Variants in ASIC2 observed in about 807,000 individuals in gnomAD.
ASIC2 encodes the protein acid-sensing ion channel 2.
Under a neutral mutation model 57.3 loss-of-function variants are expected in ASIC2, and 25 were observed. The ratio of observed to expected loss-of-function variants is 0.44; its 90% CI spans 0.32 to 0.61. The LOEUF is 0.61. Among genes scored for constraint, ASIC2 ranks in the 20% least tolerant of loss-of-function variants. ASIC2 has a pLI of 0.06. For missense variants in ASIC2, 641 were observed against 738.1 expected (o/e 0.87, Z 1.52); for synonymous variants, 319 against 307.5 (o/e 1.04, Z -0.39).
In ASIC2 at chr17:33,479,146, G is replaced by A. The variant is rs142327396; in HGVS notation, c.556-367079C>T. On this transcript the variant is annotated intron_variant, in intron 1 of 9. Coordinates refer to the ASIC2 transcript ENST00000359872. ...CCTGGGTAGCTGGAACTACAGGTGC[G>A]CACCACCACGCCCAGCTAATTTTTG... 3.1e-3 allele frequency among the ~76,000 whole-genome samples: 467 copies of A among 151,914 alleles called. 4 individuals carry two copies. The highest frequency in any genetic ancestry group is 0.01 in the African/African-American group (429 of 41,412).
chr17:33,876,704 A>G (rs758896287), intron 1 of ASIC2, among the ~76,000 whole-genome samples: 7 of 152,232 alleles, frequency 4.6e-5, no homozygotes, highest in Non-Finnish European at 7.3e-5. Flanking sequence ...TCTCATGCTC[A>G]GTTGGATGGA....
chr17:33,449,478 AG>A (rs1912165516), intron 1 of ASIC2, among the ~76,000 whole-genome samples: 1 of 152,302 alleles, frequency 6.6e-6, no homozygotes, highest in East Asian at 1.9e-4. Flanking sequence ...CTTTTGGCCC[AG>A]GTGCCTCAAG....
chr17:33,719,686 A>C (rs1909328626), intron 1 of ASIC2, among the ~76,000 whole-genome samples: 1 of 152,222 alleles, frequency 6.6e-6, no homozygotes, highest in African/African-American at 2.4e-5. Context: ...TAGAGGCTGC[A>C]ATAAGGCACT....
At chr17:33,977,780 A>G (rs1053231588) in intron 1 of ASIC2, among the ~76,000 whole-genome samples, 5 of 152,208 alleles carry the variant, frequency 3.3e-5, no homozygotes, top group Admixed American at 3.3e-4. Context: ...CTCCCAACAG[A>G]AGCCTCATGA....
intron 1 of ASIC2, among the ~76,000 whole-genome samples, chr17:33,597,683 G>A (rs1029467791): frequency 1.3e-5 from 2 of 152,104 alleles, no homozygotes; most frequent in Non-Finnish European, 2.9e-5. Context: ...TGGAATCAGC[G>A]ATGGAAGAGA....
chr17:33,616,869 T>A (rs1905621300), intron 1 of ASIC2, among the ~76,000 whole-genome samples: 1 of 152,260 alleles, frequency 6.6e-6, no homozygotes, highest in African/African-American at 2.4e-5. Context: ...TTGCCAGGGC[T>A]TTTGGACACC....
chr17:33,287,266 GC>G (rs1195501181), intron 1 of ASIC2, among the ~76,000 whole-genome samples: 1 of 152,220 alleles, frequency 6.6e-6, no homozygotes, highest in African/African-American at 2.4e-5. Flanking sequence ...GGAAATGGCA[GC>G]ACCAAAGACC....
rs115331830 is a variant in ASIC2 at position 33,516,162 on chromosome 17, G to A, written c.556-404095C>T. Among the ~76,000 whole-genome samples the A allele has an allele frequency of 4.1e-3, 598 of 146,548 alleles. 4 individuals carry two copies. Among genetic ancestry groups the A allele is most frequent in the African/African-American group, 0.014 (558 of 40,520 alleles). ...AAACAAAACAAAACAAAACAAGAAC[G>A]CAGAGCGCAGTGTCCAGCTGGGTGG... On this transcript the variant is annotated intron_variant, in intron 1 of 9. Transcript: ENST00000359872.
At chr17:33,834,319 T>A (rs898390325) in intron 1 of ASIC2, 1 of 152,234 alleles carries the variant, frequency 6.6e-6, no homozygotes, top group Non-Finnish European at 1.5e-5. Flanking sequence ...ACTGTACCCA[T>A]GAGAGCACTG....
Position 33,733,568 on chromosome 17 carries a change from T to C in ASIC2, c.555+422410A>G, listed in dbSNP as rs142554746. Among the ~76,000 whole-genome samples the C allele has an allele frequency of 8.9e-4, 135 of 152,322 alleles. 4 individuals carry two copies. The highest frequency in any genetic ancestry group is 3.0e-3 in the African/African-American group (124 of 41,560). ...GAGTTTCTTACCTCCCTGGCACTTA[T>C]ATTCTAAAGTCCCCAGAACATGGCT... On this transcript the variant is annotated intron_variant, in intron 1 of 9. Coordinates refer to the ASIC2 transcript ENST00000359872.
intron 1 of ASIC2, among the ~76,000 whole-genome samples, chr17:33,882,420 A>G (rs1480367706): frequency 6.6e-6 from 1 of 152,186 alleles, no homozygotes; most frequent in Non-Finnish European, 1.5e-5. Context: ...ACAAGAAAAA[A>G]ACAAACAACC....
intron 1 of ASIC2, among the ~76,000 whole-genome samples, chr17:33,498,810 C>G (rs60414825): frequency 0.082 from 12,416 of 152,064 alleles, 1,124 homozygotes; most frequent in African/African-American, 0.23. Flanking sequence ...TGTGCCATGG[C>G]CTTGGGGAGA....
At chr17:33,595,451 C>T (rs537078808) in intron 1 of ASIC2, among the ~76,000 whole-genome samples, 7 of 152,198 alleles carry the variant, frequency 4.6e-5, no homozygotes, top group Non-Finnish European at 1.0e-4. Context: ...CAGAGTACAC[C>T]TTAGAGAGTT....
At chr17:33,412,070 A>G (rs1474434263) in intron 1 of ASIC2, among the ~76,000 whole-genome samples, 2 of 152,208 alleles carry the variant, frequency 1.3e-5, no homozygotes, top group African/African-American at 4.8e-5. Context: ...ACAAAAAACA[A>G]AAACCTTGAA....
chr17:33,654,488 GAC>G (rs1454371626), intron 1 of ASIC2, among the ~76,000 whole-genome samples: 1 of 152,222 alleles, frequency 6.6e-6, no homozygotes, highest in African/African-American at 2.4e-5. Flanking sequence ...CTCAAGGAGT[GAC>G]ACACTTTCCT....
At chr17:33,579,743 C>T (rs1241984092) in intron 1 of ASIC2, among the ~76,000 whole-genome samples, 2 of 152,184 alleles carry the variant, frequency 1.3e-5, no homozygotes. Flanking sequence ...GACCCAAACA[C>T]TAAACAGCAG....
rs1303503061 is a variant in ASIC2 at position 33,898,235 on chromosome 17, T to A, written c.555+257743A>T. ...CATGTATAATCTTTTTTTTTTTTTT[T>A]TTTTTTTTTTTTTTTTTTGAGACTG... On this transcript the variant is annotated intron_variant, in intron 1 of 9. Coordinates refer to the ASIC2 transcript ENST00000359872. Among the ~76,000 whole-genome samples the A allele has an allele frequency of 3.2e-4, 18 of 55,908 alleles. 1 individual carries two copies. The highest frequency in any genetic ancestry group is 1.4e-3 in the African/African-American group (18 of 12,820). The allele number at this position is 55,908 out of a possible 152,430, so 36.7% of individuals were successfully genotyped here. A position where few individuals can be genotyped will look rare whatever the true frequency, so the allele number is the denominator to read the frequency against.
At chr17:33,136,055 T>C (rs984221987) in intron 1 of ASIC2, among the ~76,000 whole-genome samples, 3 of 152,210 alleles carry the variant, frequency 2.0e-5, no homozygotes, top group African/African-American at 7.2e-5. Context: ...GTGGGCGTAA[T>C]GTTCATGTCC....
chr17:33,652,848 G>A (rs1025450643), intron 1 of ASIC2, among the ~76,000 whole-genome samples: 1 of 152,206 alleles, frequency 6.6e-6, no homozygotes, highest in Admixed American at 6.5e-5. Context: ...GCCAGTGACT[G>A]ATGAAGAAAT....
Sources: allele counts gnomAD v4.1 joint callset (sites outside exome capture counted in the v4.1 genomes callset), GRCh38; gene constraint gnomAD v4.1.1; transcripts MANE v1.5; gene names NCBI Gene and HGNC (gene_info 2026-07-23, HGNC 2026-07-21).